Variants in RBM26 observed in about 807,000 individuals in gnomAD.
The protein encoded by RBM26 is RNA-binding protein 26.
RBM26 carries 30 observed loss-of-function variants against 123.6 expected under a neutral mutation model. The observed-to-expected ratio is 0.24, with a 90% confidence interval of 0.18 to 0.33. The LOEUF (loss-of-function observed/expected upper bound fraction) is 0.33, where lower values mean the gene tolerates loss of function less well. Among genes scored for constraint, RBM26 ranks in the 10% least tolerant of loss-of-function variants. The pLI is 1.00. For missense variants in RBM26, 947 were observed against 1,203.6 expected (o/e 0.79, Z 3.15); for synonymous variants, 400 against 404.4 (o/e 0.99, Z 0.13).
intron 3 of RBM26, among the ~76,000 whole-genome samples, chr13:79,373,701 T>TA (rs1555331765): frequency 2.7e-5 from 2 of 73,400 alleles, no homozygotes; most frequent in East Asian, 2.5e-4. Flanking sequence ...ATATAATATT[T>TA]TATATATATA....
In RBM26 at chr13:79,326,037, T is replaced by C. The variant is rs545519158; in HGVS notation, c.2821-3575A>G. 1.4e-4 allele frequency among the ~76,000 whole-genome samples: 22 copies of C among 152,256 alleles called. No individual in the cohort carries two copies. The East Asian group carries it at 3.1e-3, about 21-fold the overall frequency. ...CCTAAGACCAACGGGCTATATACCA[T>C]AGAGTGTAGGTGTGTAGTAGGTTAT... On this transcript the variant is annotated intron_variant, in intron 20 of 21. Transcript: ENST00000438737.
intron 5 of RBM26, among the ~76,000 whole-genome samples, chr13:79,370,266 A>C (rs2075746078): frequency 6.6e-6 from 1 of 152,192 alleles, no homozygotes; most frequent in Admixed American, 6.5e-5. Context: ...CAATGAGCTG[A>C]AACAGCACCA....
chr13:79,379,436 G>A (rs969431382), intron 1 of RBM26, among the ~76,000 whole-genome samples: 9 of 150,868 alleles, frequency 6.0e-5, no homozygotes, highest in African/African-American at 1.7e-4. Flanking sequence ...CCAGCTACTC[G>A]GGAGGCTGAG....
At chr13:79,316,391 T>C (rs2067157868), downstream of RBM26, among the ~76,000 whole-genome samples, 1 of 104,800 alleles carries the variant, frequency 9.5e-6, no homozygotes, top group Non-Finnish European at 2.0e-5. Flanking sequence ...AATAAGCAAC[T>C]GTTGCTTCCT....
chr13:79,341,254 G>T (rs7981067), intron 17 of RBM26, 27 bp from the exon 18 acceptor site: 711,814 of 1,438,668 alleles, frequency 0.49, 179,388 homozygotes, highest in African/African-American at 0.57. Flanking sequence ...AATATTTTAG[G>T]TGACAGTAAT....
intron 20 of RBM26, among the ~76,000 whole-genome samples, chr13:79,331,969 C>T (rs763455282): frequency 6.6e-6 from 1 of 152,166 alleles, no homozygotes; most frequent in Non-Finnish European, 1.5e-5. Context: ...CAGTGTTCTG[C>T]TTATACTGAT....
At chr13:79,321,027 A>C (rs2067609359) in intron 21 of RBM26, among the ~76,000 whole-genome samples, 1 of 151,390 alleles carries the variant, frequency 6.6e-6, no homozygotes, top group Non-Finnish European at 1.5e-5. Context: ...ACTTTTTAAA[A>C]AAGAAAACAG....
chr13:79,392,113 A>T (rs61032879), intron 1 of RBM26, among the ~76,000 whole-genome samples: 2,433 of 81,338 alleles, frequency 0.03, 319 homozygotes, highest in Middle Eastern at 0.19. Flanking sequence ...TACAATACAT[A>T]ATTATATAAT....
intron 20 of RBM26, among the ~76,000 whole-genome samples, chr13:79,332,349 G>A (rs1186229052): frequency 6.6e-6 from 1 of 152,098 alleles, no homozygotes; most frequent in African/African-American, 2.4e-5. Context: ...ATAAAAAGTT[G>A]ATACCTCTAT....
intron 1 of RBM26, among the ~76,000 whole-genome samples, chr13:79,381,165 G>C (rs1014067781): frequency 5.3e-5 from 8 of 151,900 alleles, no homozygotes; most frequent in African/African-American, 4.8e-5. Flanking sequence ...AAGAAACTGA[G>C]GTTCAGAGAA....
intron 1 of RBM26, among the ~76,000 whole-genome samples, chr13:79,400,688 A>C (rs1017219299): frequency 3.3e-5 from 5 of 152,210 alleles, no homozygotes; most frequent in African/African-American, 1.2e-4. Flanking sequence ...CTGACTTAAG[A>C]AAAGGAACCA....
At chr13:79,390,665 C>T (rs759573906) in intron 1 of RBM26, among the ~76,000 whole-genome samples, 1 of 152,220 alleles carries the variant, frequency 6.6e-6, no homozygotes, top group South Asian at 2.1e-4. Flanking sequence ...CTGACATCTG[C>T]GATTTACTCT....
At chr13:79,365,859 A>C in intron 8 of RBM26, 141 bp from the exon 9 acceptor site, 1 of 957,810 alleles carries the variant, frequency 1.0e-6, no homozygotes, top group South Asian at 2.0e-5. Flanking sequence ...AAATAACTTT[A>C]TTTAAAAAAG....
At position 79,319,183 on chromosome 13, in the gene RBM26, A is replaced by G; in HGVS notation, c.*1438T>C. On this transcript the variant is annotated 3_prime_UTR_variant, in exon 22 of 22. Transcript: ENST00000438737. The stretch of plus-strand genomic sequence containing the variant: ...AAGAACAGCATCCTTAAGTTACTCC[A>G]CTGGCAGAAGACTATGGTGGTGGTG... The G allele has an allele frequency of 5.1e-6, 5 of 984,594 alleles. No individual in the cohort carries two copies. Among genetic ancestry groups the G allele is most frequent in the Non-Finnish European group, 6.0e-6 (5 of 829,368 alleles). The allele number at this position is 984,594 out of a possible 1,614,324, so 61.0% of individuals were successfully genotyped here. A position where few individuals can be genotyped will look rare whatever the true frequency, so the allele number is the denominator to read the frequency against.
intron 14 of RBM26, 59 bp from the exon 15 acceptor site, chr13:79,344,853 T>C (rs2072043302): frequency 1.3e-6 from 2 of 1,541,924 alleles, no homozygotes; most frequent in Non-Finnish European, 1.8e-6. Flanking sequence ...TATCCTATTT[T>C]CTATAAGACT....
rs779937954 is a variant in RBM26, at chr13:79,359,569, C to A, written c.1529+6G>T. On this transcript the variant is annotated splice_donor_region_variant and intron_variant, in intron 10 of 21. Transcript: ENST00000438737. ...TTATACTCCTCAATTTTCCTGGCCA[C>A]CTTACTTATCAAACCAAGTCTTCTT... The A allele has an allele frequency of 1.4e-6, 2 of 1,400,154 alleles. No individual in the cohort carries two copies. Among genetic ancestry groups the A allele is most frequent in the South Asian group, 2.5e-5 (2 of 81,122 alleles). The allele number at this position is 1,400,154 out of a possible 1,614,324, so 86.7% of individuals were successfully genotyped here. A position where few individuals can be genotyped will look rare whatever the true frequency, so the allele number is the denominator to read the frequency against.
At chr13:79,391,353 A>G (rs975136817) in intron 1 of RBM26, among the ~76,000 whole-genome samples, 1 of 152,260 alleles carries the variant, frequency 6.6e-6, no homozygotes, top group Non-Finnish European at 1.5e-5. Context: ...TTTTCTGACT[A>G]TGACTACAAT....
At position 79,394,022 on chromosome 13, in the gene RBM26, T is replaced by C. The variant is rs182055953; in HGVS notation, c.71+11682A>G. 4.9e-4 allele frequency among the ~76,000 whole-genome samples: 74 copies of C among 152,342 alleles called. No homozygotes were observed. The East Asian group carries it at 0.012, about 24-fold the overall frequency. On this transcript the variant is annotated intron_variant, in intron 1 of 21. Transcript: ENST00000438737. ...CGTGACTTCTTAAACACACACTTCCTATTATTTGTGCGCCTGCGGCTTTTA... is the reference window on the plus strand; with the variant it reads ...CGTGACTTCTTAAACACACACTTCCCATTATTTGTGCGCCTGCGGCTTTTA...
At chr13:79,320,862 C>T (rs2067587693) in intron 21 of RBM26, 152 bp from the exon 22 acceptor site, 1 of 896,136 alleles carries the variant, frequency 1.1e-6, no homozygotes, top group African/African-American at 1.7e-5. Flanking sequence ...AGAAAAGCAA[C>T]ATTTAACCAC....
Sources: allele counts gnomAD v4.1 joint callset (sites outside exome capture counted in the v4.1 genomes callset), GRCh38; gene constraint gnomAD v4.1.1; transcripts MANE v1.5; gene names NCBI Gene and HGNC (gene_info 2026-07-23, HGNC 2026-07-21).